Variants in THRB observed in about 807,000 individuals in gnomAD.
THRB encodes the protein nuclear receptor subfamily 1 group A member 2.
In THRB, 12 loss-of-function variants were observed where a neutral mutation model predicts 47.8. The observed-to-expected ratio is 0.25, with a 90% confidence interval of 0.16 to 0.41. The LOEUF (loss-of-function observed/expected upper bound fraction) is 0.41. Among genes scored for constraint, THRB ranks in the 10% least tolerant of loss-of-function variants. THRB has a pLI of 1.00. For missense variants in THRB, 348 were observed against 589.2 expected, an observed-to-expected ratio of 0.59 and a Z score of 4.24; for synonymous variants, 218 against 212.2, an observed-to-expected ratio of 1.03 and a Z score of -0.24.
intron 5 of THRB, among the ~76,000 whole-genome samples, chr3:24,168,011 C>T (rs2039879993): frequency 6.6e-6 from 1 of 151,972 alleles, no homozygotes; most frequent in South Asian, 2.1e-4. Flanking sequence ...TCCTGAATTC[C>T]CTCAGAAATC....
At chr3:24,197,019 C>A (rs1158190480) in intron 4 of THRB, among the ~76,000 whole-genome samples, 1 of 152,212 alleles carries the variant, frequency 6.6e-6, no homozygotes, top group Non-Finnish European at 1.5e-5. Flanking sequence ...GTGATATATC[C>A]ATTTACATAC....
intron 1 of THRB, among the ~76,000 whole-genome samples, chr3:24,481,686 A>T (rs1291370629): frequency 6.6e-6 from 1 of 152,160 alleles, no homozygotes; most frequent in Non-Finnish European, 1.5e-5. Context: ...TCAGTGGGGC[A>T]GAACCAGAGA....
intron 1 of THRB, among the ~76,000 whole-genome samples, chr3:24,410,374 T>C: frequency 6.6e-6 from 1 of 151,666 alleles, no homozygotes; most frequent in East Asian, 2.0e-4. Flanking sequence ...GCAGCAAAAA[T>C]GCAAATATTC....
At chr3:24,142,630 A>AT (rs1265287423) in intron 8 of THRB, among the ~76,000 whole-genome samples, 1 of 152,236 alleles carries the variant, frequency 6.6e-6, no homozygotes, top group Non-Finnish European at 1.5e-5. Flanking sequence ...AGGGTTTTAT[A>AT]TCATAAACTA....
intron 3 of THRB, among the ~76,000 whole-genome samples, chr3:24,279,561 A>ATT (rs35249696): frequency 0.019 from 2,728 of 141,082 alleles, 41 homozygotes; most frequent in Middle Eastern, 0.043. Flanking sequence ...ATTTTTTTGT[A>ATT]TTTTTTTTTT....
At chr3:24,392,924 T>G (rs1322933111) in intron 1 of THRB, among the ~76,000 whole-genome samples, 1 of 152,158 alleles carries the variant, frequency 6.6e-6, no homozygotes, top group Non-Finnish European at 1.5e-5. Context: ...ACCCAGAAAG[T>G]TTTTTAAAAG....
intron 1 of THRB, among the ~76,000 whole-genome samples, chr3:24,478,212 T>A (rs1695782583): frequency 6.6e-6 from 1 of 152,134 alleles, no homozygotes; most frequent in African/African-American, 2.4e-5. Flanking sequence ...GTCTCCAGAT[T>A]TTGGAGTATG....
At chr3:24,444,205 C>A (rs1450233056) in intron 1 of THRB, among the ~76,000 whole-genome samples, 1 of 151,306 alleles carries the variant, frequency 6.6e-6, no homozygotes, top group African/African-American at 2.5e-5. Context: ...AGGACATAAT[C>A]AACAAAGAAG....
intron 5 of THRB, among the ~76,000 whole-genome samples, chr3:24,185,981 T>C (rs370151824): frequency 4.0e-4 from 61 of 152,164 alleles, no homozygotes; most frequent in African/African-American, 1.3e-3. Context: ...CAGCTGGCAA[T>C]TGAGATAAGC....
At chr3:24,403,428 C>G (rs1481462091) in intron 1 of THRB, among the ~76,000 whole-genome samples, 1 of 151,906 alleles carries the variant, frequency 6.6e-6, no homozygotes, top group East Asian at 1.9e-4. Flanking sequence ...GGACACAGTT[C>G]TCAATGTATC....
intron 1 of THRB, among the ~76,000 whole-genome samples, chr3:24,347,575 A>T (rs1264814690): frequency 6.6e-6 from 1 of 151,096 alleles, no homozygotes; most frequent in Admixed American, 6.6e-5. Flanking sequence ...AAAAAGAATA[A>T]AGAATTTTTC....
chr3:24,131,521 C>T (rs1367924592), intron 9 of THRB, among the ~76,000 whole-genome samples: 2 of 152,144 alleles, frequency 1.3e-5, no homozygotes, highest in South Asian at 2.1e-4. Context: ...TATCAGGTAC[C>T]CTGGTGCTAT....
intron 5 of THRB, among the ~76,000 whole-genome samples, chr3:24,183,955 G>C (rs1262599989): frequency 1.3e-5 from 2 of 152,040 alleles, no homozygotes; most frequent in Non-Finnish European, 2.9e-5. Flanking sequence ...AAAGATTTTT[G>C]AATGTGGTTG....
chr3:24,185,888 G>A (rs908865903), intron 5 of THRB, among the ~76,000 whole-genome samples: 1 of 152,150 alleles, frequency 6.6e-6, no homozygotes, highest in Non-Finnish European at 1.5e-5. Context: ...GAGGATCAGG[G>A]CCCCAGTCAA....
intron 1 of THRB, among the ~76,000 whole-genome samples, chr3:24,479,771 T>TG (rs1696089199): frequency 6.6e-6 from 1 of 152,182 alleles, no homozygotes; most frequent in African/African-American, 2.4e-5. Context: ...TGCTGGTAGA[T>TG]GCTGCTGGTG....
chr3:24,161,617 AACACACACAC>A (rs58600238), intron 5 of THRB, among the ~76,000 whole-genome samples: 79 of 141,190 alleles, frequency 5.6e-4, no homozygotes, highest in African/African-American at 1.6e-3. Flanking sequence ...AGAGCTACAG[AACACACACAC>A]ACACACACAC....
chr3:24,440,096 T>C (rs1303299514), intron 1 of THRB, among the ~76,000 whole-genome samples: 1 of 152,246 alleles, frequency 6.6e-6, no homozygotes, highest in Non-Finnish European at 1.5e-5. Flanking sequence ...CAAATCTATA[T>C]ATATTCGCAT....
At chr3:24,422,287 C>A (rs547506152) in intron 1 of THRB, among the ~76,000 whole-genome samples, 10 of 151,952 alleles carry the variant, frequency 6.6e-5, no homozygotes, top group African/African-American at 1.9e-4. Context: ...TGGATAATCT[C>A]CCAGAGTAAA....
chr3:24,220,277 T>G (rs826246), intron 4 of THRB, among the ~76,000 whole-genome samples: 108,801 of 151,958 alleles, frequency 0.72, 40,369 homozygotes, highest in African/African-American at 0.92. Flanking sequence ...GATCAGCTGA[T>G]CCCAGGAGTT....
Sources: gnomAD v4.1 joint callset for allele counts (sites outside exome capture counted in the v4.1 genomes callset) on GRCh38, gnomAD v4.1.1 for gene constraint, MANE v1.5 for transcripts, NCBI Gene and HGNC (gene_info 2026-07-23, HGNC 2026-07-21) for gene names.